DNAH17: variants seen among roughly 807,000 people sequenced by gnomAD.
DNAH17 encodes the protein axonemal beta dynein heavy chain 17.
DNAH17 carries 376 observed loss-of-function variants against 485.6 expected under a neutral mutation model. That is an observed-to-expected ratio of 0.77 (90% CI 0.71 to 0.84). The LOEUF is 0.84. DNAH17 is among the 40% of genes least tolerant of loss of function. The probability of loss-of-function intolerance (pLI) is 0.00; values close to 1 mark genes in which losing one functional copy is unlikely to be tolerated. For synonymous variants in DNAH17, 3,031 were observed against 2,405.9 expected (o/e 1.26, Z -7.60); for missense variants, 6,370 against 5,839.3 (o/e 1.09, Z -2.96).
At chr17:78,470,034 G>A (rs906087806) in intron 54 of DNAH17, among the ~76,000 whole-genome samples, 44 of 149,220 alleles carry the variant, frequency 2.9e-4, no homozygotes, top group African/African-American at 1.0e-3. Flanking sequence ...TCATGCCACC[G>A]AACTAGATGT....
At chr17:78,572,416 G>A (rs1269456432) in intron 3 of DNAH17, among the ~76,000 whole-genome samples, 2 of 152,114 alleles carry the variant, frequency 1.3e-5, no homozygotes, top group Non-Finnish European at 2.9e-5. Context: ...TTGCTGGGTG[G>A]TGACTGGATC....
intron 54 of DNAH17, among the ~76,000 whole-genome samples, chr17:78,469,796 G>C (rs1400575357): frequency 6.6e-6 from 1 of 152,214 alleles, no homozygotes; most frequent in Non-Finnish European, 1.5e-5. Context: ...TTCAGGACAT[G>C]ACGCTGAGTA....
Position 78,509,269 on chromosome 17 carries a change from C to T in DNAH17, c.4236+1115G>A, listed in dbSNP as rs115003047. Among the ~76,000 whole-genome samples the T allele has an allele frequency of 5.7e-3, 858 of 151,652 alleles. 11 individuals carry two copies. The highest frequency in any genetic ancestry group is 0.016 in the African/African-American group (672 of 41,290). On this transcript the variant is annotated intron_variant, in intron 27 of 80. Coordinates refer to ENST00000389840, the MANE Select transcript of DNAH17 (RefSeq NM_173628.4). ...GCGTGAGCCACCGTGCCCGGTCCCC[C>T]GCTAATTTTTTTAAATTTATTTATT...
chr17:78,535,226 C>T lies in DNAH17; in HGVS notation c.2859+2073G>A, dbSNP rs191859162. Among the ~76,000 whole-genome samples the T allele has an allele frequency of 3.3e-4, 50 of 152,286 alleles. 1 individual carries two copies. The highest frequency in any genetic ancestry group is 1.1e-3 in the African/African-American group (47 of 41,564). On this transcript the variant is annotated intron_variant, in intron 19 of 80. Coordinates refer to ENST00000389840, the MANE Select transcript of DNAH17 (RefSeq NM_173628.4). ...TTGGGGACAGTGGGAGGGGCACACC[C>T]GGGACACACTGATTCTGAGGACATG...
chr17:78,458,548 CG>C lies in DNAH17; in HGVS notation c.9977+16del. The C allele has an allele frequency of 6.2e-7, 1 of 1,606,010 alleles. No individual in the cohort carries two copies. The highest frequency in any genetic ancestry group is 8.5e-7 in the Non-Finnish European group (1 of 1,172,890). Reference sequence around the variant, plus strand: ...GGGTCTGAGAGCAGGAGGGTGGTCTCGGGGAGGAGCTGATACCTGTTCGCCA... The same window carrying C: ...GGGTCTGAGAGCAGGAGGGTGGTCTCGGGAGGAGCTGATACCTGTTCGCCA... On this transcript the variant is annotated intron_variant, in intron 62 of 80. Transcript: ENST00000389840.
At chr17:78,467,529 C>G (rs540050290) in intron 55 of DNAH17, among the ~76,000 whole-genome samples, 9 of 152,192 alleles carry the variant, frequency 5.9e-5, no homozygotes, top group Non-Finnish European at 1.0e-4. Context: ...ATAACATTCA[C>G]TAATTGGGCT....
chr17:78,485,909 G>C (rs1181933895), intron 46 of DNAH17, 51 bp downstream of exon 46: 21 of 1,594,912 alleles, frequency 1.3e-5, no homozygotes, highest in Non-Finnish European at 1.8e-5. Flanking sequence ...GTACTGCACC[G>C]ATTCCTGCCT....
chr17:78,563,666 T>TC (rs2092207076), intron 11 of DNAH17, among the ~76,000 whole-genome samples: 2 of 152,156 alleles, frequency 1.3e-5, no homozygotes, highest in African/African-American at 4.8e-5. Context: ...AATTCTATTT[T>TC]CCGCCAAAAG....
intron 68 of DNAH17, 56 bp downstream of exon 68, chr17:78,450,198 A>C: frequency 6.3e-7 from 1 of 1,598,188 alleles, no homozygotes; most frequent in Non-Finnish European, 8.6e-7. Context: ...CTGGCTGTGG[A>C]GCCCAGATGC....
rs201665236 is a variant in DNAH17, at chr17:78,495,968, A to G, written c.5810T>C (p.Ile1937Thr). The G allele has an allele frequency of 1.2e-5, 20 of 1,613,858 alleles. No homozygotes were observed. The highest frequency in any genetic ancestry group is 1.6e-4 in the Middle Eastern group (1 of 6,084). ...KKAFNFLGEI[I>T]GLIPTVGIFI... ...GATACCGACGGTGGGAATGAGGCCT[A>G]TGATCTCTCCCAGGAAATTGAATGC... Residue 1937 changes from isoleucine (I) to threonine (T), a missense_variant, in exon 38 of 81, where the codon ATA becomes ACA. By Grantham distance (89) the Ile-to-Thr change is moderately conservative. Transcript: ENST00000389840.
intron 11 of DNAH17, among the ~76,000 whole-genome samples, chr17:78,564,309 G>A (rs1258359315): frequency 2.6e-5 from 4 of 152,116 alleles, no homozygotes; most frequent in Non-Finnish European, 4.4e-5. Context: ...TCTCCATGTT[G>A]GGGACAGCAA....
At chr17:78,549,817 G>C (rs1222300294) in intron 16 of DNAH17, among the ~76,000 whole-genome samples, 1 of 152,196 alleles carries the variant, frequency 6.6e-6, no homozygotes, top group Non-Finnish European at 1.5e-5. Flanking sequence ...CCACCGCCCA[G>C]AGCCTGCAGC....
chr17:78,431,155 A>G (rs866754974), intron 75 of DNAH17, among the ~76,000 whole-genome samples: 11 of 151,874 alleles, frequency 7.2e-5, no homozygotes, highest in African/African-American at 2.7e-4. Context: ...CTGGGATTAC[A>G]GGCTTGGGCC....
chr17:78,503,832 G>A (rs543545489), intron 31 of DNAH17, among the ~76,000 whole-genome samples: 2 of 152,124 alleles, frequency 1.3e-5, no homozygotes, highest in African/African-American at 4.8e-5. Context: ...CGGGCACGGT[G>A]GCAGGCACCT....
At chr17:78,489,963 C>A (rs1232731737) in intron 44 of DNAH17, 2 of 152,134 alleles carry the variant, frequency 1.3e-5, no homozygotes, top group East Asian at 3.9e-4. Flanking sequence ...TAAGTCCACG[C>A]AGGACATTTG....
At chr17:78,573,598 A>C (rs933307665) in intron 2 of DNAH17, among the ~76,000 whole-genome samples, 1 of 59,612 alleles carries the variant, frequency 1.7e-5, no homozygotes, top group African/African-American at 1.4e-4. Flanking sequence ...AAATACTGTC[A>C]AAAAAAAAAA....
chr17:78,459,192 G>T lies in DNAH17; in HGVS notation c.9670C>A (p.Pro3224Thr), dbSNP rs139990407. The change falls in exon 61 of 81, where the codon CCG (proline) becomes ACG (threonine). Residue 3224 changes from proline (P) to threonine (T), a missense_variant. Physicochemically the swap from Pro to Thr is conservative, Grantham distance 38. Transcript: ENST00000389840. ...CGGATGAACTCGGGGTCGAACGTCG[G>T]GTTGCCTTGGTAGGGCCTAGCGAGG... ...LKAFKPYQGN[P>T]TFDPEFIRSK... is the part of the protein sequence containing the mutation. 1.9e-6 allele frequency: 3 copies of T among 1,613,866 alleles called. No homozygotes were observed. In the African/African-American group the frequency reaches 4.0e-5, roughly 22 times the overall value.
chr17:78,497,547 C>T lies in DNAH17; in HGVS notation c.5745+1461G>A, dbSNP rs922652756. 7.2e-5 allele frequency among the ~76,000 whole-genome samples: 11 copies of T among 152,198 alleles called. No homozygotes were observed. The East Asian group carries it at 1.7e-3, about 24-fold the overall frequency. On this transcript the variant is annotated intron_variant, in intron 37 of 80. Coordinates refer to ENST00000389840, the MANE Select transcript of DNAH17 (RefSeq NM_173628.4). ...AAATATTCTGGGGTTTGTTCATGGA[C>T]GTCGGAGGTGCTCAGCAGCTCTGCT...
chr17:78,450,230 C>G (rs1181286950), intron 68 of DNAH17, 24 bp downstream of exon 68: 1 of 1,612,638 alleles, frequency 6.2e-7, no homozygotes, highest in Non-Finnish European at 8.5e-7. Flanking sequence ...GAGGGAGGCA[C>G]CCAGCCCCAG....
Sources: allele counts gnomAD v4.1 joint callset (sites outside exome capture counted in the v4.1 genomes callset), GRCh38; gene constraint gnomAD v4.1.1; transcripts MANE v1.5; gene names NCBI Gene and HGNC (gene_info 2026-07-23, HGNC 2026-07-21).